CNBD1: variants seen among roughly 807,000 people sequenced by gnomAD.
The protein encoded by CNBD1 is cyclic nucleotide binding domain containing 1.
Under a neutral mutation model 54.4 loss-of-function variants are expected in CNBD1, and 71 were observed. The observed-to-expected ratio is 1.30, with a 90% CI of 1.08 to 1.59. The LOEUF is 1.59. Ranked by LOEUF, CNBD1 falls within the 40% of genes most tolerant of loss-of-function variation. CNBD1 has a pLI of 0.00. For synonymous variants in CNBD1, 182 were observed against 170.7 expected (o/e 1.07, Z -0.51); for missense variants, 659 against 518.0 (o/e 1.27, Z -2.64).
At chr8:86,994,511 G>A (rs541631010) in intron 4 of CNBD1, among the ~76,000 whole-genome samples, 1 of 152,208 alleles carries the variant, frequency 6.6e-6, no homozygotes, top group South Asian at 2.1e-4. Context: ...GGCTCCATCT[G>A]TCTCTGCCTA....
Position 86,866,557 on chromosome 8 carries a change from C to T in CNBD1, c.62C>T (p.Pro21Leu), listed in dbSNP as rs1022598271. ...CACATGACAGCTATTAACAATGTGC[C>T]TCCTCCTCCACTTCACAGTATACCA... ...LSHMTAINNV[P>L]PPPLHSIPNL... is the part of the protein sequence containing the mutation. The change falls in exon 1 of 11, where the codon CCT becomes CTT. Residue 21 changes from proline to leucine, a missense_variant. Pro to Leu is a moderately conservative substitution (Grantham distance 98). Coordinates refer to ENST00000518476, the MANE Select transcript of CNBD1 (RefSeq NM_173538.3). 6 of 1,610,764 alleles carry T rather than the reference C, an allele frequency of 3.7e-6. No individual in the cohort carries two copies. Among genetic ancestry groups the T allele is most frequent in the African/African-American group, 1.3e-5 (1 of 74,992 alleles).
chr8:87,068,147 A>G lies in CNBD1; in HGVS notation c.431+128393A>G, dbSNP rs566856305. Among the ~76,000 whole-genome samples the G allele has an allele frequency of 1.4e-3, 206 of 152,056 alleles. 2 individuals are homozygous for G. Among genetic ancestry groups the G allele is most frequent in the South Asian group, 8.7e-3 (42 of 4,824 alleles). ...TTTTGACCTCCAATATAAAGCAAGC[A>G]TGACTTACTGGGTTACTCAGACAGC... On this transcript the variant is annotated intron_variant, in intron 4 of 10. Coordinates refer to ENST00000518476, the MANE Select transcript of CNBD1 (RefSeq NM_173538.3).
intron 4 of CNBD1, among the ~76,000 whole-genome samples, chr8:87,027,856 T>A (rs1809684507): frequency 6.6e-6 from 1 of 152,144 alleles, no homozygotes; most frequent in African/African-American, 2.4e-5. Flanking sequence ...CAAAACACAA[T>A]CCAACTGCTG....
chr8:86,901,452 A>T (rs76549770), intron 2 of CNBD1, among the ~76,000 whole-genome samples: 1 of 152,152 alleles, frequency 6.6e-6, no homozygotes, highest in Non-Finnish European at 1.5e-5. Flanking sequence ...TAATCAATAA[A>T]TATCTTATTA....
intron 4 of CNBD1, among the ~76,000 whole-genome samples, chr8:86,945,040 C>A (rs761362524): frequency 2.0e-5 from 3 of 150,418 alleles, no homozygotes; most frequent in Non-Finnish European, 4.4e-5. Flanking sequence ...CTGATGCTCT[C>A]ACATGTTGGT....
intron 4 of CNBD1, among the ~76,000 whole-genome samples, chr8:87,049,775 G>C (rs1046378339): frequency 6.6e-6 from 1 of 152,202 alleles, no homozygotes; most frequent in Admixed American, 6.5e-5. Flanking sequence ...TTGTTTGTTA[G>C]CCAGAGACTC....
intron 4 of CNBD1, among the ~76,000 whole-genome samples, chr8:87,128,805 C>T (rs1812053345): frequency 6.6e-6 from 1 of 151,074 alleles, no homozygotes; most frequent in Non-Finnish European, 1.5e-5. Context: ...TATGTTCAGC[C>T]GGGTGCAGTG....
intron 8 of CNBD1, among the ~76,000 whole-genome samples, chr8:87,343,026 G>A (rs1473013680): frequency 2.6e-5 from 4 of 152,084 alleles, no homozygotes; most frequent in Non-Finnish European, 4.4e-5. Context: ...TCCCAGAGCT[G>A]CCATCTATAG....
At chr8:87,151,144 A>G (rs1365683844) in intron 4 of CNBD1, among the ~76,000 whole-genome samples, 4 of 152,198 alleles carry the variant, frequency 2.6e-5, no homozygotes, top group Non-Finnish European at 5.9e-5. Flanking sequence ...CTTGGTGGCC[A>G]GAAGTCTGTA....
intron 4 of CNBD1, among the ~76,000 whole-genome samples, chr8:87,114,119 A>G (rs1474704433): frequency 6.6e-6 from 1 of 152,216 alleles, no homozygotes; most frequent in Admixed American, 6.5e-5. Context: ...ATTTCCTTTC[A>G]ACATACTACT....
At chr8:87,203,083 A>T (rs755199624) in intron 4 of CNBD1, among the ~76,000 whole-genome samples, 1 of 152,300 alleles carries the variant, frequency 6.6e-6, no homozygotes, top group East Asian at 1.9e-4. Flanking sequence ...TGAGATCTTG[A>T]GTAAGTTATT....
At chr8:86,894,341 G>T (rs1483344719) in intron 2 of CNBD1, among the ~76,000 whole-genome samples, 1 of 152,114 alleles carries the variant, frequency 6.6e-6, no homozygotes, top group Non-Finnish European at 1.5e-5. Flanking sequence ...GATTACAGGC[G>T]TGAGCCACCG....
chr8:87,324,014 G>C (rs926338899), intron 8 of CNBD1, among the ~76,000 whole-genome samples: 7 of 128,562 alleles, frequency 5.4e-5, no homozygotes, highest in Non-Finnish European at 1.0e-4. Flanking sequence ...TAGCATGAAG[G>C]GTTGTTGAAT....
At chr8:87,191,389 C>T (rs891833489) in intron 4 of CNBD1, among the ~76,000 whole-genome samples, 7 of 152,116 alleles carry the variant, frequency 4.6e-5, no homozygotes, top group African/African-American at 1.7e-4. Flanking sequence ...GGTGCCCACC[C>T]AAATTGAGGG....
At chr8:86,958,418 G>A (rs62529583) in intron 4 of CNBD1, among the ~76,000 whole-genome samples, 34,909 of 152,074 alleles carry the variant, frequency 0.23, 4,110 homozygotes, top group Non-Finnish European at 0.25. Context: ...GTTTAATGTT[G>A]ACAGTTGGGT....
intron 4 of CNBD1, among the ~76,000 whole-genome samples, chr8:87,138,440 G>A (rs1328729688): frequency 6.6e-6 from 1 of 152,144 alleles, no homozygotes; most frequent in Non-Finnish European, 1.5e-5. Flanking sequence ...AAAGAAACAA[G>A]GCAAATTCAT....
chr8:86,883,503 G>T (rs1473441528), intron 1 of CNBD1, among the ~76,000 whole-genome samples: 1 of 152,164 alleles, frequency 6.6e-6, no homozygotes, highest in Non-Finnish European at 1.5e-5. Context: ...AATGAGAATG[G>T]ATTCTTGGCC....
At position 87,274,839 on chromosome 8, in the gene CNBD1, T is replaced by C. The variant is rs1475359554; in HGVS notation, c.772-9839T>C. ...TTTTGATATTTTAGACATGAAGTCC[T>C]TGCCCATGCCTATGTCCTGAATGGT... On this transcript the variant is annotated intron_variant, in intron 6 of 10. Coordinates refer to ENST00000518476, the MANE Select transcript of CNBD1 (RefSeq NM_173538.3). Among the ~76,000 whole-genome samples the C allele has an allele frequency of 5.9e-5, 8 of 135,060 alleles. 1 individual carries two copies. 88.6% of individuals were successfully genotyped at this position (135,060 alleles called of 152,430 possible).
chr8:86,986,825 T>G (rs1808619331), intron 4 of CNBD1, among the ~76,000 whole-genome samples: 1 of 152,180 alleles, frequency 6.6e-6, no homozygotes, highest in African/African-American at 2.4e-5. Context: ...TGGTTGTAGA[T>G]GTACAGCTAT....
Sources: gnomAD v4.1 joint callset for allele counts (sites outside exome capture counted in the v4.1 genomes callset) on GRCh38, gnomAD v4.1.1 for gene constraint, MANE v1.5 for transcripts, NCBI Gene and HGNC (gene_info 2026-07-23, HGNC 2026-07-21) for gene names.